The following VCPKMT variants were observed in gnomAD, a reference collection of about 807,000 sequenced individuals.
VCPKMT encodes valosin containing protein lysine methyltransferase, also known as protein N-lysine methyltransferase METTL21D.
VCPKMT carries 32 observed loss-of-function variants against 28.6 expected under a neutral mutation model. The observed-to-expected ratio is 1.12, with a 90% CI of 0.84 to 1.50. VCPKMT has a LOEUF of 1.50. VCPKMT is among the 40% of genes most tolerant of loss of function. VCPKMT has a pLI of 0.00. For missense variants in VCPKMT, 366 were observed against 285.0 expected (o/e 1.28, Z -2.05); for synonymous variants, 138 against 111.4 (o/e 1.24, Z -1.50).
Position 50,112,747 on chromosome 14 carries a change from A to C in VCPKMT, c.571-28T>G, listed in dbSNP as rs1197303710. 3 of 1,446,138 alleles carry C rather than the reference A, an allele frequency of 2.1e-6. No individual in the cohort carries two copies. In the Admixed American group the frequency reaches 6.1e-5, roughly 30 times the overall value. 89.6% of individuals were successfully genotyped at this position (1,446,138 alleles called of 1,614,324 possible). On this transcript the variant is annotated intron_variant, in intron 4 of 5. Transcript: ENST00000395860. ...ATAAATTTAAAAGAGACATACTTCAAATTCAATAATATGAACTGACCTGTG... is the reference window on the plus strand; with the variant it reads ...ATAAATTTAAAAGAGACATACTTCACATTCAATAATATGAACTGACCTGTG...
intron 4 of VCPKMT, among the ~76,000 whole-genome samples, chr14:50,113,072 CACCGCGCCTGGTCAGTGGTT>C (rs1385525756): frequency 2.6e-5 from 4 of 152,194 alleles, no homozygotes; most frequent in Non-Finnish European, 5.9e-5. Flanking sequence ...AGGCGTGAGC[CACCGCGCCTGGTCAGTGGTT>C]ACCTTTTGAG....
downstream of VCPKMT, among the ~76,000 whole-genome samples, chr14:50,108,192 A>AAAG (rs1882403969): frequency 2.1e-4 from 1 of 4,866 alleles, no homozygotes; most frequent in South Asian, 2.8e-3. Flanking sequence ...ACCCTGTCTC[A>AAAG]AAAAAAAAAA....
chr14:50,115,741 G>A, intron 3 of VCPKMT, 98 bp downstream of exon 3: 2 of 1,397,326 alleles, frequency 1.4e-6, no homozygotes, highest in Non-Finnish European at 2.0e-6. Flanking sequence ...GCAAATCCCG[G>A]ATTCAAAGAT....
downstream of VCPKMT, chr14:50,108,548 A>C (rs1882424498): frequency 8.7e-6 from 8 of 921,730 alleles, no homozygotes; most frequent in Non-Finnish European, 1.0e-5. Flanking sequence ...TGTATCCTTA[A>C]TGTCTCTAAA....
At chr14:50,111,795 AG>A in intron 5 of VCPKMT, 1 of 676,764 alleles carries the variant, frequency 1.5e-6, no homozygotes, top group Non-Finnish European at 1.8e-6. Flanking sequence ...CTGAGGTGGG[AG>A]GATCACTTCT....
At chr14:50,109,746 G>C (rs749663678) in intron 5 of VCPKMT, 33 bp from the exon 6 acceptor site, 6 of 1,586,616 alleles carry the variant, frequency 3.8e-6, no homozygotes, top group Non-Finnish European at 5.1e-6. Flanking sequence ...TTAAAAGATT[G>C]ATTTACCACA....
chr14:50,103,084 G>A, the VCPKMT span, among the ~76,000 whole-genome samples: 2 of 152,212 alleles, frequency 1.3e-5, no homozygotes, highest in Non-Finnish European at 2.9e-5. Flanking sequence ...TATCACTAGT[G>A]TATTTTACGC....
In VCPKMT at chr14:50,108,826, T is replaced by C; in HGVS notation, c.*873A>G. On this transcript the variant is annotated 3_prime_UTR_variant, in exon 6 of 6. Coordinates refer to ENST00000395860, the MANE Select transcript of VCPKMT (RefSeq NM_024558.3). The stretch of plus-strand genomic sequence containing the variant: ...ACACAGAACAGAAATTCATTTGGTA[T>C]ATACATATAGAACTACATTTGTAGT... 1 of 985,486 alleles carries C rather than the reference T, an allele frequency of 1.0e-6. No individual in the cohort carries two copies. Among genetic ancestry groups the C allele is most frequent in the Non-Finnish European group, 1.2e-6 (1 of 829,898 alleles). The allele number at this position is 985,486 out of a possible 1,614,324, so 61.0% of individuals were successfully genotyped here.
rs1555366412 is a variant in VCPKMT, at chr14:50,113,802, G to GTT, written c.570+482_570+483insAA. On this transcript the variant is annotated intron_variant, in intron 4 of 5. Coordinates refer to ENST00000395860, the MANE Select transcript of VCPKMT (RefSeq NM_024558.3). ...TCCCACTTACTTGGGGGCGGGGGGG[G>GTT]GGGGGGGTGACACTGAGGCAGGAGG... 2.2e-5 allele frequency among the ~76,000 whole-genome samples: 2 copies of GTT among 90,544 alleles called. 1 individual carries two copies. Among genetic ancestry groups the GTT allele is most frequent in the East Asian group, 8.7e-4 (2 of 2,294 alleles). The allele number at this position is 90,544 out of a possible 152,430, so 59.4% of individuals were successfully genotyped here.
chr14:50,111,748 T>G, intron 5 of VCPKMT: 1 of 605,842 alleles, frequency 1.7e-6, no homozygotes, highest in Non-Finnish European at 2.1e-6. Context: ...TAGCTGGGCA[T>G]GGTGGTGCAT....
At chr14:50,112,487 T>C (rs572029580) in intron 5 of VCPKMT, 128 bp downstream of exon 5, 61 of 568,658 alleles carry the variant, frequency 1.1e-4, no homozygotes, top group Non-Finnish European at 1.7e-4. Flanking sequence ...AGTTACTGCC[T>C]GAGTCCAGTG....
At chr14:50,105,023 A>G (rs778993654), downstream of VCPKMT, among the ~76,000 whole-genome samples, 9 of 151,768 alleles carry the variant, frequency 5.9e-5, no homozygotes, top group Admixed American at 6.6e-5. Flanking sequence ...AAAGTAACTC[A>G]AAAGGTAGGC....
intron 3 of VCPKMT, 30 bp from the exon 4 acceptor site, chr14:50,114,434 T>C (rs200942710): frequency 2.1e-6 from 3 of 1,405,646 alleles, no homozygotes; most frequent in Admixed American, 3.1e-5. Context: ...TTTTTTGTTT[T>C]TGATTTAAAA....
Position 50,112,670 on chromosome 14 carries a change from T to A in VCPKMT, c.620A>T (p.Asp207Val). 6.3e-7 allele frequency: 1 copy of A among 1,576,918 alleles called. No individual in the cohort carries two copies. The highest frequency in any genetic ancestry group is 8.6e-7 in the Non-Finnish European group (1 of 1,158,090). ...AATATCTTCACTTCGATACTCTTCA[T>A]CATGTTTTTCCAAAGGAATTTTTTC... Reference protein sequence around the residue: ...DFEKIPLEKHDEEYRSEDIHI... With the variant: ...DFEKIPLEKHVEEYRSEDIHI... The change falls in exon 5 of 6, where the codon GAT becomes GTT. Residue 207 changes from aspartate to valine, a missense_variant. Coordinates refer to ENST00000395860, the MANE Select transcript of VCPKMT (RefSeq NM_024558.3).
intron 5 of VCPKMT, 32 bp from the exon 6 acceptor site, chr14:50,109,745 T>A: frequency 6.3e-7 from 1 of 1,587,952 alleles, no homozygotes; most frequent in East Asian, 2.2e-5. Context: ...CTTAAAAGAT[T>A]GATTTACCAC....
downstream of VCPKMT, among the ~76,000 whole-genome samples, chr14:50,105,889 ATTATAT>A (rs750184264): frequency 1.2e-3 from 184 of 152,050 alleles, no homozygotes; most frequent in Middle Eastern, 3.4e-3. Flanking sequence ...TAATTTTCAG[ATTATAT>A]TTATAGTCTA....
rs1882454279 is a variant in VCPKMT, at chr14:50,108,946, A to G, written c.*753T>C. 4 of 985,482 alleles carry G rather than the reference A, an allele frequency of 4.1e-6. No homozygotes were observed. The highest frequency in any genetic ancestry group is 4.8e-6 in the Non-Finnish European group (4 of 829,934). 61.0% of individuals were successfully genotyped at this position (985,482 alleles called of 1,614,324 possible). On this transcript the variant is annotated 3_prime_UTR_variant, in exon 6 of 6. Coordinates refer to ENST00000395860, the MANE Select transcript of VCPKMT (RefSeq NM_024558.3). ...ATACATAAAGTGCATGAGCCACGTA[A>G]GTGCATAAGCCTGAAACTGGTCTTT...
intron 3 of VCPKMT, 109 bp downstream of exon 3, chr14:50,115,730 G>A (rs1883114814): frequency 7.7e-7 from 1 of 1,302,734 alleles, no homozygotes; most frequent in African/African-American, 1.5e-5. Flanking sequence ...TCAACTATAA[G>A]GCAAATCCCG....
Position 50,116,548 on chromosome 14 carries a change from G to T in VCPKMT, c.5C>A (p.Ala2Glu). 1 of 1,603,598 alleles carries T rather than the reference G, an allele frequency of 6.2e-7. No individual in the cohort carries two copies. The change falls in exon 1 of 6, where the codon GCG becomes GAG. Residue 2 changes from alanine to glutamate, a missense_variant. Coordinates refer to ENST00000395860, the MANE Select transcript of VCPKMT (RefSeq NM_024558.3). The part of the protein sequence containing the change: M[A>E]DTLESSLEDP... Reference sequence around the variant, plus strand: ...CTCCAGCGAGGACTCCAGCGTATCCGCCATTGCGCCCGGCAACAGAAAGCG... The same window carrying T: ...CTCCAGCGAGGACTCCAGCGTATCCTCCATTGCGCCCGGCAACAGAAAGCG...
Sources: allele counts gnomAD v4.1 joint callset (sites outside exome capture counted in the v4.1 genomes callset), GRCh38; gene constraint gnomAD v4.1.1; transcripts MANE v1.5; gene names NCBI Gene and HGNC (gene_info 2026-07-23, HGNC 2026-07-21).